TRMT61B: variants seen among roughly 807,000 people sequenced by gnomAD.
The protein encoded by TRMT61B is tRNA (adenine(58)-N(1))-methyltransferase, mitochondrial.
In TRMT61B, 56 loss-of-function variants were observed where a neutral mutation model predicts 52.0. The observed-to-expected ratio is 1.08, with a 90% confidence interval of 0.87 to 1.35. TRMT61B has a LOEUF of 1.35. TRMT61B is among the 40% of genes most tolerant of loss of function. The pLI is 0.00. For missense variants in TRMT61B, 650 were observed against 577.9 expected (o/e 1.12, Z -1.28); for synonymous variants, 206 against 220.0 (o/e 0.94, Z 0.56).
intron 1 of TRMT61B, 126 bp from the exon 2 acceptor site, chr2:28,865,245 C>T: frequency 1.8e-6 from 1 of 569,280 alleles, no homozygotes; most frequent in Non-Finnish European, 3.2e-6. Context: ...CTGGACCTGC[C>T]TTCAGTTTAT....
At chr2:28,857,151 C>G (rs142518285) in intron 3 of TRMT61B, among the ~76,000 whole-genome samples, 418 of 152,240 alleles carry the variant, frequency 2.7e-3, no homozygotes, top group South Asian at 6.0e-3. Context: ...CCAGGTTGGT[C>G]TCAAACTCCT....
chr2:28,864,904 G>A (rs1245846643), intron 2 of TRMT61B, 113 bp downstream of exon 2: 1 of 621,848 alleles, frequency 1.6e-6, no homozygotes, highest in East Asian at 2.8e-5. Context: ...GATTCTAGGA[G>A]AATGCTACCT....
Position 28,862,300 on chromosome 2 carries a change from G to A in TRMT61B, c.803-992C>T, listed in dbSNP as rs143239233. Among the ~76,000 whole-genome samples, 424 of 141,838 alleles carry A rather than the reference G, an allele frequency of 3.0e-3. 3 individuals are homozygous for A. Among genetic ancestry groups the A allele is most frequent in the African/African-American group, 0.01 (397 of 38,818 alleles). The allele number at this position is 141,838 out of a possible 152,430, so 93.1% of individuals were successfully genotyped here. On this transcript the variant is annotated intron_variant, in intron 2 of 6. Coordinates refer to ENST00000306108, the MANE Select transcript of TRMT61B (RefSeq NM_017910.4). The stretch of plus-strand genomic sequence containing the variant: ...TGTATCAATCTAAAAAGTGAATAAA[G>A]TTTATCATTTTTAATGTAGATTTTT...
Position 28,850,099 on chromosome 2 carries a change from A to C in TRMT61B, c.*100T>G. ...ATGTATAAGTTATATAAGTCATAGT[A>C]ATAGCTAAAAATGCCAATCTATGGA... On this transcript the variant is annotated 3_prime_UTR_variant, in exon 7 of 7. Transcript: ENST00000306108. The C allele has an allele frequency of 7.4e-6, 9 of 1,223,538 alleles. No individual in the cohort carries two copies. Among genetic ancestry groups the C allele is most frequent in the Non-Finnish European group, 1.1e-5 (9 of 851,274 alleles). 75.8% of individuals were successfully genotyped at this position (1,223,538 alleles called of 1,614,324 possible).
In TRMT61B at chr2:28,850,345, C is replaced by G. The variant is rs1272440467; in HGVS notation, c.1373G>C (p.Trp458Ser). The G allele has an allele frequency of 6.2e-7, 1 of 1,610,092 alleles. No homozygotes were observed. Among genetic ancestry groups the G allele is most frequent in the East Asian group, 2.2e-5 (1 of 44,784 alleles). ...SFPYVARPVHWQPGHTAFLVK... is the reference protein window; with the variant it reads ...SFPYVARPVHSQPGHTAFLVK... ...TTACTCACCTGTATGACCAGGTTGCCAGTGTACTGGTCTAGCAACATAGGG... is the reference window on the plus strand; with the variant it reads ...TTACTCACCTGTATGACCAGGTTGCGAGTGTACTGGTCTAGCAACATAGGG... Residue 458 changes from tryptophan to serine, a missense_variant, in exon 6 of 7, where the codon TGG (tryptophan) becomes TCG (serine). Coordinates refer to ENST00000306108, the MANE Select transcript of TRMT61B (RefSeq NM_017910.4).
chr2:28,859,739 T>C (rs1380337972), intron 3 of TRMT61B, among the ~76,000 whole-genome samples: 2 of 152,144 alleles, frequency 1.3e-5, no homozygotes, highest in Non-Finnish European at 2.9e-5. Flanking sequence ...TTCAATGATA[T>C]CATTAAAATC....
chr2:28,853,104 T>C (rs1176001104), intron 3 of TRMT61B, among the ~76,000 whole-genome samples: 1 of 152,192 alleles, frequency 6.6e-6, no homozygotes, highest in East Asian at 1.9e-4. Context: ...TGTATGCCTG[T>C]ATTATCAATA....
chr2:28,857,412 C>T (rs1230518073), intron 3 of TRMT61B, among the ~76,000 whole-genome samples: 1 of 152,086 alleles, frequency 6.6e-6, no homozygotes, highest in East Asian at 1.9e-4. Context: ...TAATAATCCT[C>T]TGGCTAGATG....
chr2:28,856,353 T>C (rs548394050), intron 3 of TRMT61B, among the ~76,000 whole-genome samples: 1 of 152,332 alleles, frequency 6.6e-6, no homozygotes, highest in African/African-American at 2.4e-5. Flanking sequence ...CACCTCACCA[T>C]ATCTTGTTGA....
intron 3 of TRMT61B, among the ~76,000 whole-genome samples, chr2:28,856,885 T>C (rs968726363): frequency 2.0e-5 from 3 of 152,156 alleles, no homozygotes; most frequent in Admixed American, 6.5e-5. Flanking sequence ...TCCGCCCGCC[T>C]TGGCCTCCCA....
intron 1 of TRMT61B, among the ~76,000 whole-genome samples, chr2:28,868,945 A>C (rs1445700795): frequency 1.3e-5 from 2 of 152,302 alleles, no homozygotes; most frequent in East Asian, 3.9e-4. Context: ...CAGAGGTTGC[A>C]GGGAGCCAAG....
intron 3 of TRMT61B, among the ~76,000 whole-genome samples, chr2:28,860,789 C>T (rs1021967075): frequency 2.0e-5 from 3 of 152,096 alleles, no homozygotes; most frequent in African/African-American, 7.2e-5. Flanking sequence ...GGTTAGGTGC[C>T]GGGTTCAATA....
intron 3 of TRMT61B, among the ~76,000 whole-genome samples, chr2:28,858,864 A>C (rs1282084274): frequency 2.6e-5 from 4 of 151,596 alleles, no homozygotes; most frequent in Non-Finnish European, 5.9e-5. Flanking sequence ...AGTATCAGAA[A>C]TACACATCTA....
chr2:28,852,530 T>A, intron 3 of TRMT61B, 31 bp from the exon 4 acceptor site: 1 of 1,381,370 alleles, frequency 7.2e-7, no homozygotes, highest in Non-Finnish European at 1.0e-6. Context: ...ACTGGATCAG[T>A]CTGATTCCGT....
At chr2:28,869,474 ATCCAAACGTTCTGAGATGTCTT>A in intron 1 of TRMT61B, 83 bp downstream of exon 1, 1 of 775,520 alleles carries the variant, frequency 1.3e-6, no homozygotes, top group Non-Finnish European at 2.1e-6. Context: ...ACAATAAAAA[ATCCAAACGTTCTGAGATGTCTT>A]TGAATACATT....
At chr2:28,862,384 G>C (rs1437778877) in intron 2 of TRMT61B, among the ~76,000 whole-genome samples, 1 of 140,804 alleles carries the variant, frequency 7.1e-6, no homozygotes, top group Non-Finnish European at 1.5e-5. Flanking sequence ...GCAGGTTGGA[G>C]TGCGGTGGTG....
intron 3 of TRMT61B, among the ~76,000 whole-genome samples, chr2:28,855,405 G>A (rs1309942066): frequency 6.6e-6 from 1 of 152,152 alleles, no homozygotes; most frequent in African/African-American, 2.4e-5. Context: ...AAAACACTGA[G>A]AATGCAAGGA....
At chr2:28,860,971 A>T in intron 3 of TRMT61B, 147 bp downstream of exon 3, 2 of 648,452 alleles carry the variant, frequency 3.1e-6, no homozygotes, top group Non-Finnish European at 4.9e-6. Flanking sequence ...CCATGAGATT[A>T]AAAGGCATGA....
At chr2:28,855,168 G>A (rs1669289984) in intron 3 of TRMT61B, among the ~76,000 whole-genome samples, 1 of 152,102 alleles carries the variant, frequency 6.6e-6, no homozygotes, top group Admixed American at 6.6e-5. Context: ...GATAAAAGGG[G>A]GCAAGTGGTA....
Sources: allele counts gnomAD v4.1 joint callset (sites outside exome capture counted in the v4.1 genomes callset), GRCh38; gene constraint gnomAD v4.1.1; transcripts MANE v1.5; gene names NCBI Gene and HGNC (gene_info 2026-07-23, HGNC 2026-07-21).